The following CNTNAP2 variants were observed in gnomAD, a reference collection of about 807,000 sequenced individuals.
The protein encoded by CNTNAP2 is contactin associated protein 2.
In CNTNAP2, 98 loss-of-function variants were observed where a neutral mutation model predicts 155.2. That is an observed-to-expected ratio of 0.63 (90% CI 0.54 to 0.75). The LOEUF (loss-of-function observed/expected upper bound fraction) is 0.75. Among genes scored for constraint, CNTNAP2 ranks in the 30% least tolerant of loss-of-function variants. The probability of loss-of-function intolerance (pLI) is 0.00; values close to 1 mark genes in which losing one functional copy is unlikely to be tolerated. For synonymous variants in CNTNAP2, 651 were observed against 631.2 expected (o/e 1.03, Z -0.47); for missense variants, 1,727 against 1,688.1 (o/e 1.02, Z -0.40).
At chr7:147,611,781 T>C (rs1801191209) in intron 12 of CNTNAP2, among the ~76,000 whole-genome samples, 1 of 152,204 alleles carries the variant, frequency 6.6e-6, no homozygotes, top group African/African-American at 2.4e-5. Flanking sequence ...AAGCTGCTGA[T>C]GCTACCTGAA....
At chr7:146,207,652 T>G (rs979482435) in intron 1 of CNTNAP2, among the ~76,000 whole-genome samples, 5 of 151,100 alleles carry the variant, frequency 3.3e-5, no homozygotes, top group African/African-American at 1.2e-4. Context: ...TTTTTTTTTT[T>G]TTTTTTTAAC....
intron 1 of CNTNAP2, among the ~76,000 whole-genome samples, chr7:146,402,907 G>A (rs1181810678): frequency 1.3e-5 from 2 of 151,974 alleles, no homozygotes; most frequent in Non-Finnish European, 2.9e-5. Flanking sequence ...GTTTACACTT[G>A]CATAATTGCA....
chr7:147,947,248 G>A (rs1800836743), intron 14 of CNTNAP2, among the ~76,000 whole-genome samples: 3 of 151,952 alleles, frequency 2.0e-5, no homozygotes, highest in South Asian at 4.2e-4. Context: ...AATCTTTCCT[G>A]GTTGTTTGAT....
rs191056646 is a variant in CNTNAP2 at position 147,754,706 on chromosome 7, T to A, written c.2098+115400T>A. Among the ~76,000 whole-genome samples the A allele has an allele frequency of 1.4e-4, 21 of 152,182 alleles. 1 individual carries two copies. The South Asian group carries it at 3.3e-3, about 24-fold the overall frequency. Reference sequence around the variant, plus strand: ...GCATTGTATTACATAAGAAAAAAAATTTTAATTCATATTGAAGAATTTGAG... The same window carrying A: ...GCATTGTATTACATAAGAAAAAAAAATTTAATTCATATTGAAGAATTTGAG... On this transcript the variant is annotated intron_variant, in intron 13 of 23. Coordinates refer to ENST00000361727, the MANE Select transcript of CNTNAP2 (RefSeq NM_014141.6).
intron 15 of CNTNAP2, among the ~76,000 whole-genome samples, chr7:148,058,855 G>A (rs947132537): frequency 4.6e-5 from 7 of 152,184 alleles, no homozygotes; most frequent in African/African-American, 1.7e-4. Flanking sequence ...GTGTTAGAAA[G>A]ACAAAATAGT....
At chr7:146,755,038 C>T (rs1228636315) in intron 1 of CNTNAP2, among the ~76,000 whole-genome samples, 1 of 151,788 alleles carries the variant, frequency 6.6e-6, no homozygotes, top group African/African-American at 2.4e-5. Context: ...GAGTAAGTGC[C>T]AGAATACAGT....
At chr7:146,171,567 T>C (rs759080873) in intron 1 of CNTNAP2, among the ~76,000 whole-genome samples, 3 of 152,188 alleles carry the variant, frequency 2.0e-5, no homozygotes, top group Non-Finnish European at 2.9e-5. Context: ...TGGAAAGCTA[T>C]GAGCAAGTGT....
chr7:146,123,102 A>C (rs1797586861), intron 1 of CNTNAP2, among the ~76,000 whole-genome samples: 1 of 152,174 alleles, frequency 6.6e-6, no homozygotes. Context: ...TAGGAAATCT[A>C]GATATAAAGA....
At chr7:148,007,850 TC>T (rs1802007192) in intron 15 of CNTNAP2, among the ~76,000 whole-genome samples, 3 of 152,298 alleles carry the variant, frequency 2.0e-5, no homozygotes, top group Admixed American at 6.5e-5. Flanking sequence ...GCAAGGAACT[TC>T]AACTCTTCTA....
At chr7:147,819,247 T>C (rs1020400298) in intron 13 of CNTNAP2, among the ~76,000 whole-genome samples, 1 of 152,212 alleles carries the variant, frequency 6.6e-6, no homozygotes. Context: ...GAAGTTTTGC[T>C]GTAAGCTGTA....
intron 12 of CNTNAP2, among the ~76,000 whole-genome samples, chr7:147,615,433 C>CA (rs57694877): frequency 0.025 from 2,802 of 111,404 alleles, 90 homozygotes; most frequent in African/African-American, 0.092. Flanking sequence ...GAACCTGTCT[C>CA]AAAAAAAACT....
At chr7:148,253,084 T>C (rs1365840491) in intron 20 of CNTNAP2, among the ~76,000 whole-genome samples, 1 of 123,180 alleles carries the variant, frequency 8.1e-6, no homozygotes. Context: ...TATTGATTGA[T>C]AGATGAAAAA....
chr7:147,861,999 C>CAAAAAAAAAAAAAAAAA (rs57139075), intron 13 of CNTNAP2, among the ~76,000 whole-genome samples: 9 of 94,972 alleles, frequency 9.5e-5, no homozygotes, highest in Admixed American at 2.3e-4. Context: ...CTCCATCTCA[C>CAAAAAAAAAAAAAAAAA]AAAAAAAAAA....
chr7:146,127,462 C>T (rs189326727), intron 1 of CNTNAP2, among the ~76,000 whole-genome samples: 2 of 152,170 alleles, frequency 1.3e-5, no homozygotes, highest in African/African-American at 4.8e-5. Flanking sequence ...AGAAGGAAGG[C>T]GAGAAATATA....
intron 1 of CNTNAP2, among the ~76,000 whole-genome samples, chr7:146,344,478 T>C (rs902869248): frequency 2.6e-5 from 4 of 152,126 alleles, no homozygotes; most frequent in African/African-American, 7.2e-5. Context: ...AGCTTTTTTT[T>C]TTTTTCTTTT....
At chr7:148,221,807 C>T (rs1407081001) in intron 19 of CNTNAP2, among the ~76,000 whole-genome samples, 4 of 152,190 alleles carry the variant, frequency 2.6e-5, no homozygotes, top group Non-Finnish European at 5.9e-5. Flanking sequence ...ACCAGTGCTC[C>T]GTTCTTCCCT....
At chr7:147,447,713 C>T (rs950325148) in intron 10 of CNTNAP2, among the ~76,000 whole-genome samples, 1 of 152,124 alleles carries the variant, frequency 6.6e-6, no homozygotes, top group African/African-American at 2.4e-5. Flanking sequence ...AGCCACTGCA[C>T]CCAGCCTATT....
rs560752716 is a variant in CNTNAP2 at position 146,134,528 on chromosome 7, T to G, written c.97+17555T>G. ...ATGCTTCCAGTTTTTACCCATTCAG[T>G]ATGATATTGGCTGTGGGTTTGTCAT... On this transcript the variant is annotated intron_variant, in intron 1 of 23. Transcript: ENST00000361727. Among the ~76,000 whole-genome samples, 11 of 151,722 alleles carry G rather than the reference T, an allele frequency of 7.3e-5. No homozygotes were observed. The East Asian group carries it at 1.9e-3, about 27-fold the overall frequency.
At chr7:146,156,213 T>G (rs963047200) in intron 1 of CNTNAP2, among the ~76,000 whole-genome samples, 1 of 152,210 alleles carries the variant, frequency 6.6e-6, no homozygotes, top group Non-Finnish European at 1.5e-5. Flanking sequence ...GTGAGTTTGT[T>G]ACTATGTTAT....
Sources: gnomAD v4.1 joint callset for allele counts (sites outside exome capture counted in the v4.1 genomes callset) on GRCh38, gnomAD v4.1.1 for gene constraint, MANE v1.5 for transcripts, NCBI Gene and HGNC (gene_info 2026-07-23, HGNC 2026-07-21) for gene names.